The following CACNB4 variants were observed in gnomAD, a reference collection of about 807,000 sequenced individuals.
The protein encoded by CACNB4 is voltage-dependent L-type calcium channel subunit beta-4.
Under a neutral mutation model 71.2 loss-of-function variants are expected in CACNB4, and 32 were observed. The observed-to-expected ratio is 0.45, with a 90% CI of 0.34 to 0.60. The LOEUF is 0.60. Ranked by LOEUF, CACNB4 falls within the 20% of genes least tolerant of loss-of-function variation. The probability of loss-of-function intolerance (pLI) is 0.01; values close to 1 mark genes in which losing one functional copy is unlikely to be tolerated. For synonymous variants in CACNB4, 231 were observed against 236.9 expected, an observed-to-expected ratio of 0.97 and a Z score of 0.23; for missense variants, 464 against 647.9, an observed-to-expected ratio of 0.72 and a Z score of 3.08.
intron 2 of CACNB4, among the ~76,000 whole-genome samples, chr2:152,074,156 A>G (rs145398239): frequency 6.6e-6 from 1 of 152,144 alleles, no homozygotes; most frequent in Non-Finnish European, 1.5e-5. Flanking sequence ...AGGCTGAGCA[A>G]CAGAGGTGAG....
At chr2:152,073,916 A>G (rs1328235813) in intron 2 of CACNB4, among the ~76,000 whole-genome samples, 2 of 152,186 alleles carry the variant, frequency 1.3e-5, no homozygotes, top group Admixed American at 6.5e-5. Context: ...GGACCAGAAG[A>G]GGCAGGACTG....
intron 2 of CACNB4, among the ~76,000 whole-genome samples, chr2:151,940,674 G>A (rs1470754963): frequency 1.3e-5 from 2 of 152,170 alleles, no homozygotes; most frequent in African/African-American, 4.8e-5. Context: ...AATCTTTGAG[G>A]TGAAGATCTT....
At chr2:151,842,603 G>T (rs1011054914) in intron 12 of CACNB4, among the ~76,000 whole-genome samples, 1 of 152,028 alleles carries the variant, frequency 6.6e-6, no homozygotes. Context: ...AAAGTGCTGG[G>T]ATTACAGGCA....
chr2:152,074,146 A>G (rs1452895542), intron 2 of CACNB4, among the ~76,000 whole-genome samples: 1 of 152,066 alleles, frequency 6.6e-6, no homozygotes, highest in Non-Finnish European at 1.5e-5. Flanking sequence ...CCCAACAGGC[A>G]GGCTGAGCAA....
chr2:151,932,510 C>A (rs188290842), intron 2 of CACNB4, among the ~76,000 whole-genome samples: 1 of 152,196 alleles, frequency 6.6e-6, no homozygotes, highest in Non-Finnish European at 1.5e-5. Flanking sequence ...ATGTTGAAGT[C>A]CTAACCTCCA....
chr2:152,007,774 AT>A (rs35311254), intron 2 of CACNB4, among the ~76,000 whole-genome samples: 27,772 of 144,412 alleles, frequency 0.19, 3,579 homozygotes, highest in East Asian at 0.49. Flanking sequence ...ATTCTACGTA[AT>A]TTTTTTTTTT....
At chr2:152,042,526 C>T (rs986996344) in intron 2 of CACNB4, among the ~76,000 whole-genome samples, 3 of 152,056 alleles carry the variant, frequency 2.0e-5, no homozygotes, top group Non-Finnish European at 4.4e-5. Context: ...ACTAGCAGTA[C>T]CATTGACCCA....
intron 2 of CACNB4, among the ~76,000 whole-genome samples, chr2:151,899,067 A>G (rs2099852762): frequency 6.6e-6 from 1 of 152,262 alleles, no homozygotes; most frequent in Non-Finnish European, 1.5e-5. Context: ...AGAGACCCAC[A>G]GTGCAGAAGA....
intron 2 of CACNB4, among the ~76,000 whole-genome samples, chr2:152,032,039 T>A (rs528854568): frequency 3.9e-5 from 6 of 152,256 alleles, no homozygotes; most frequent in Non-Finnish European, 7.4e-5. Context: ...AGAGCCTTGA[T>A]GATTCGAGTG....
At chr2:151,893,531 C>T (rs1038452095) in intron 2 of CACNB4, among the ~76,000 whole-genome samples, 7 of 152,166 alleles carry the variant, frequency 4.6e-5, no homozygotes, top group African/African-American at 1.2e-4. Flanking sequence ...CATGAGCCAT[C>T]GCACTCAGTC....
At chr2:151,860,182 A>G (rs1386141112) in intron 10 of CACNB4, 1 of 168,454 alleles carries the variant, frequency 5.9e-6, no homozygotes, top group Non-Finnish European at 1.2e-5. Flanking sequence ...CTACTCACTT[A>G]CAGCCTTTAT....
intron 2 of CACNB4, among the ~76,000 whole-genome samples, chr2:152,097,966 G>A (rs1287564340): frequency 6.6e-6 from 1 of 152,098 alleles, no homozygotes; most frequent in African/African-American, 2.4e-5. Flanking sequence ...GGCCCCGAGG[G>A]GTCTGGTTAC....
chr2:151,860,307 C>T (rs112129288), intron 10 of CACNB4: 8,233 of 216,638 alleles, frequency 0.038, 210 homozygotes, highest in Non-Finnish European at 0.054. Flanking sequence ...CCAAGAACAC[C>T]GTTATCTAGC....
intron 2 of CACNB4, among the ~76,000 whole-genome samples, chr2:151,938,318 T>G (rs2099863435): frequency 6.6e-6 from 1 of 152,204 alleles, no homozygotes; most frequent in African/African-American, 2.4e-5. Flanking sequence ...ATATAGCTAT[T>G]TACATCTGCT....
intron 2 of CACNB4, among the ~76,000 whole-genome samples, chr2:152,073,183 T>A (rs926212331): frequency 6.6e-6 from 1 of 152,184 alleles, no homozygotes; most frequent in East Asian, 1.9e-4. Flanking sequence ...CTTGTGCAGT[T>A]GGCAGAGAGA....
chr2:151,995,959 A>G (rs961897495), intron 2 of CACNB4, among the ~76,000 whole-genome samples: 4 of 152,252 alleles, frequency 2.6e-5, no homozygotes, highest in African/African-American at 9.6e-5. Context: ...AGCAGTTCAA[A>G]GTCTGCAAAG....
intron 2 of CACNB4, among the ~76,000 whole-genome samples, chr2:152,004,967 T>C (rs1048359909): frequency 4.6e-5 from 7 of 151,022 alleles, no homozygotes; most frequent in African/African-American, 1.7e-4. Context: ...AAAACCACAA[T>C]GAGACACCAT....
intron 2 of CACNB4, among the ~76,000 whole-genome samples, chr2:152,070,461 C>A (rs571933750): frequency 6.6e-6 from 1 of 152,140 alleles, no homozygotes; most frequent in Non-Finnish European, 1.5e-5. Flanking sequence ...GGGCTGTGGC[C>A]CCATGAAGTC....
In CACNB4 at chr2:151,839,356, G is replaced by T; in HGVS notation, c.1326C>A (p.Asn442Lys). 1 of 1,610,746 alleles carries T rather than the reference G, an allele frequency of 6.2e-7. No homozygotes were observed. Among genetic ancestry groups the T allele is most frequent in the South Asian group, 1.1e-5 (1 of 91,022 alleles). The change falls in exon 14 of 14, where the codon AAC (asparagine) becomes AAA (lysine). Residue 442 changes from asparagine to lysine, a missense_variant. This residue lies in a region of CACNB4 where 115 missense variants were observed against 128.8 expected (regional missense o/e 0.89). Coordinates refer to ENST00000539935, the MANE Select transcript of CACNB4 (RefSeq NM_000726.5). ...GLQSQRMRHS[N>K]HSTENSPIER... ...CAATTGGAGAGTTCTCTGTGGAGTGGTTGCTGTGCCTCATTCGCTGACTCT... is the reference window on the plus strand; with the variant it reads ...CAATTGGAGAGTTCTCTGTGGAGTGTTTGCTGTGCCTCATTCGCTGACTCT...
Sources: allele counts gnomAD v4.1 joint callset (sites outside exome capture counted in the v4.1 genomes callset), GRCh38; gene constraint gnomAD v4.1.1; regional missense constraint gnomAD v4.1.1; transcripts MANE v1.5; gene names NCBI Gene and HGNC (gene_info 2026-07-23, HGNC 2026-07-21).